Variants in PCDH10 observed in about 807,000 individuals in gnomAD.
PCDH10 encodes protocadherin-10.
Under a neutral mutation model 74.4 loss-of-function variants are expected in PCDH10, and 15 were observed. The ratio of observed to expected loss-of-function variants is 0.20; its 90% CI spans 0.13 to 0.31. The LOEUF (loss-of-function observed/expected upper bound fraction) is 0.31. PCDH10 is among the 10% of genes least tolerant of loss of function. PCDH10 has a pLI of 1.00. For synonymous variants in PCDH10, 619 were observed against 589.8 expected, an observed-to-expected ratio of 1.05 and a Z score of -0.72; for missense variants, 1,260 against 1,390.2, an observed-to-expected ratio of 0.91 and a Z score of 1.49.
chr4:133,151,283 C>T lies in PCDH10; in HGVS notation c.1143C>T (p.Ser381=), dbSNP rs745922419. 65 of 1,613,982 alleles carry T rather than the reference C, an allele frequency of 4.0e-5. No homozygotes were observed. The highest frequency in any genetic ancestry group is 5.3e-5 in the Non-Finnish European group (62 of 1,180,046). The part of the protein sequence containing the change: ...AAPGTVVALF[S]VTDRDSEENG... The stretch of plus-strand genomic sequence containing the variant: ...CCGGCACTGTGGTGGCCCTTTTCAG[C>T]GTGACTGACCGCGACTCAGAGGAGA... Residue 381 remains serine (S), a synonymous_variant, in exon 1 of 5, where the codon AGC becomes AGT. Transcript: ENST00000264360.
intron 4 of PCDH10, among the ~76,000 whole-genome samples, chr4:133,176,400 T>C (rs767054225): frequency 2.6e-4 from 39 of 152,132 alleles, no homozygotes; most frequent in Non-Finnish European, 4.7e-4. Context: ...ATTTAACATA[T>C]TTAAAGCAGT....
At chr4:133,182,591 T>G (rs892337356) in intron 4 of PCDH10, among the ~76,000 whole-genome samples, 1 of 152,084 alleles carries the variant, frequency 6.6e-6, no homozygotes, top group Non-Finnish European at 1.5e-5. Flanking sequence ...TTTAGTGGAC[T>G]CTGATGAAGG....
chr4:133,171,440 A>C (rs1421291607), intron 4 of PCDH10, among the ~76,000 whole-genome samples: 1 of 152,198 alleles, frequency 6.6e-6, no homozygotes, highest in Non-Finnish European at 1.5e-5. Flanking sequence ...TTTCTGGATT[A>C]AATTCTGAAT....
rs1451196479 is a variant in PCDH10 at position 133,193,812 on chromosome 4, GTTCT to G, written c.*3655_*3658del. On this transcript the variant is annotated 3_prime_UTR_variant, in exon 5 of 5. Coordinates refer to ENST00000264360, the MANE Select transcript of PCDH10 (RefSeq NM_032961.3). ...TATTTTTCATATTACAAATTCTTGA[GTTCT>G]TTATCTTTTTCAAGTCTAATTTTGT... The G allele has an allele frequency of 1.3e-5, 2 of 151,480 alleles. No individual in the cohort carries two copies. The highest frequency in any genetic ancestry group is 4.8e-5 in the African/African-American group (2 of 41,324). 9.4% of individuals were successfully genotyped at this position (151,480 alleles called of 1,614,324 possible).
In PCDH10 at chr4:133,151,914, C is replaced by T; in HGVS notation, c.1774C>T (p.Arg592Cys). 1 of 1,612,330 alleles carries T rather than the reference C, an allele frequency of 6.2e-7. No individual in the cohort carries two copies. Among genetic ancestry groups the T allele is most frequent in the Non-Finnish European group, 8.5e-7 (1 of 1,179,650 alleles). Residue 592 changes from arginine (R) to cysteine (C), a missense_variant, in exon 1 of 5, where the codon CGC becomes TGC. Transcript: ENST00000264360. Reference sequence around the variant, plus strand: ...GACTCCAGCGCGTGAGGTGCTGCCCCGCTCGGCGGAGCCGGGTTACCTGCT... The same window carrying T: ...GACTCCAGCGCGTGAGGTGCTGCCCTGCTCGGCGGAGCCGGGTTACCTGCT... ...NGTPAREVLP[R>C]SAEPGYLLTR...
intron 4 of PCDH10, among the ~76,000 whole-genome samples, chr4:133,179,239 G>A (rs573860961): frequency 4.1e-4 from 62 of 152,240 alleles, no homozygotes; most frequent in African/African-American, 1.5e-3. Context: ...TTTCTGACTA[G>A]CTTACGAAAA....
At chr4:133,167,479 T>A (rs979562846) in intron 4 of PCDH10, among the ~76,000 whole-genome samples, 6 of 151,520 alleles carry the variant, frequency 4.0e-5, no homozygotes, top group African/African-American at 1.4e-4. Context: ...GGATTTGTGT[T>A]TTCCTCTAAT....
intron 2 of PCDH10, among the ~76,000 whole-genome samples, chr4:133,206,065 T>C (rs1392789862): frequency 1.3e-5 from 2 of 152,180 alleles, no homozygotes; most frequent in African/African-American, 4.8e-5. Flanking sequence ...TATGTTTGTC[T>C]GTAGGGTAAT....
intron 4 of PCDH10, among the ~76,000 whole-genome samples, chr4:133,177,260 G>A (rs1553941888): frequency 6.6e-6 from 1 of 152,000 alleles, no homozygotes; most frequent in Non-Finnish European, 1.5e-5. Flanking sequence ...AGATACTTTT[G>A]CCTCCTTTGT....
chr4:133,201,245 A>G (rs1001712622), intron 2 of PCDH10, among the ~76,000 whole-genome samples: 2 of 152,186 alleles, frequency 1.3e-5, no homozygotes, highest in South Asian at 2.1e-4. Flanking sequence ...TTAGTGAAAC[A>G]TTGAAAGAAA....
rs369263513 is a variant in PCDH10 at position 133,150,977 on chromosome 4, G to A, written c.837G>A (p.Glu279=). 3 of 1,613,960 alleles carry A rather than the reference G, an allele frequency of 1.9e-6. No individual in the cohort carries two copies. The highest frequency in any genetic ancestry group is 1.3e-5 in the African/African-American group (1 of 75,076). The change falls in exon 1 of 5, where the codon GAG becomes GAA. Residue 279 remains glutamate, a synonymous_variant. Coordinates refer to ENST00000264360, the MANE Select transcript of PCDH10 (RefSeq NM_032961.3). The stretch of plus-strand genomic sequence containing the variant: ...AGCTCAACGCCACCGACCCGGACGA[G>A]GGCCAGAACGGTGAGGTCGTGTACT... ...VIQLNATDPD[E]GQNGEVVYSF...
In PCDH10 at chr4:133,151,391, C is replaced by T; in HGVS notation, c.1251C>T (p.Thr417=). 6.2e-7 allele frequency: 1 copy of T among 1,614,094 alleles called. No individual in the cohort carries two copies. Among genetic ancestry groups the T allele is most frequent in the Non-Finnish European group, 8.5e-7 (1 of 1,180,008 alleles). ...TTAAGAATTACTACACCATCGTTAC[C>T]GAAGCCCCCCTGGACCGAGAGGCGG... is the stretch of plus-strand genomic sequence containing the variant. The part of the protein sequence containing the change: ...SSFKNYYTIV[T]EAPLDREAGD... The change falls in exon 1 of 5, where the codon ACC becomes ACT. Residue 417 remains threonine (T), a synonymous_variant. Coordinates refer to ENST00000264360, the MANE Select transcript of PCDH10 (RefSeq NM_032961.3).
Position 133,150,087 on chromosome 4 carries a change from G to T in PCDH10, c.-54G>T. ...TTTTTTTTGTTTCGTGGTGGTGGGG[G>T]AGGTGATTGGGTGGCTGACTGGCTG... On this transcript the variant is annotated 5_prime_UTR_variant, in exon 1 of 5. Coordinates refer to ENST00000264360, the MANE Select transcript of PCDH10 (RefSeq NM_032961.3). 2 of 1,460,332 alleles carry T rather than the reference G, an allele frequency of 1.4e-6. No individual in the cohort carries two copies. The highest frequency in any genetic ancestry group is 1.8e-6 in the Non-Finnish European group (2 of 1,103,890). The allele number at this position is 1,460,332 out of a possible 1,614,324, so 90.5% of individuals were successfully genotyped here.
At chr4:133,181,661 C>T (rs1195598557) in intron 4 of PCDH10, among the ~76,000 whole-genome samples, 2 of 151,810 alleles carry the variant, frequency 1.3e-5, no homozygotes, top group Admixed American at 1.3e-4. Flanking sequence ...GTTTTTTCTG[C>T]ATCTCTTCTC....
chr4:133,183,478 C>T (rs1376648451), intron 4 of PCDH10, among the ~76,000 whole-genome samples: 3 of 152,036 alleles, frequency 2.0e-5, no homozygotes, highest in Admixed American at 2.0e-4. Flanking sequence ...TAATTGTATA[C>T]CATTGTATTT....
chr4:133,191,221 A>T lies in PCDH10; in HGVS notation c.*1061A>T, dbSNP rs1336147000. 2 of 152,300 alleles carry T rather than the reference A, an allele frequency of 1.3e-5. No individual in the cohort carries two copies. The highest frequency in any genetic ancestry group is 4.8e-5 in the African/African-American group (2 of 41,424). 9.4% of individuals were successfully genotyped at this position (152,300 alleles called of 1,614,324 possible). ...TGTGGTGTAAAATATGTAATTGAAG[A>T]TTACTATTTTAAGAAGTCATCAGTC... On this transcript the variant is annotated 3_prime_UTR_variant, in exon 5 of 5. Coordinates refer to ENST00000264360, the MANE Select transcript of PCDH10 (RefSeq NM_032961.3).
At chr4:133,180,027 AT>A (rs1727379702) in intron 4 of PCDH10, among the ~76,000 whole-genome samples, 1 of 151,736 alleles carries the variant, frequency 6.6e-6, no homozygotes, top group South Asian at 2.1e-4. Flanking sequence ...TCTCCACTCT[AT>A]TTTATCTTCT....
chr4:133,154,427 TAG>T, intron 2 of PCDH10, 62 bp downstream of exon 2: 2 of 887,650 alleles, frequency 2.3e-6, no homozygotes, highest in Non-Finnish European at 3.6e-6. Context: ...AAGTAGGAAG[TAG>T]GTATATTATT....
At chr4:133,166,525 A>G (rs948206843) in intron 4 of PCDH10, among the ~76,000 whole-genome samples, 2 of 151,572 alleles carry the variant, frequency 1.3e-5, no homozygotes, top group South Asian at 4.1e-4. Context: ...GATAATCTCC[A>G]TAAATAAAAA....
Sources: allele counts gnomAD v4.1 joint callset (sites outside exome capture counted in the v4.1 genomes callset), GRCh38; gene constraint gnomAD v4.1.1; transcripts MANE v1.5; gene names NCBI Gene and HGNC (gene_info 2026-07-23, HGNC 2026-07-21).